Variants in SLC35D4 observed in about 807,000 individuals in gnomAD.
SLC35D4 encodes the protein solute carrier family 35 member D4, also known as UDP-N-acetylglucosamine transporter SLC35D4.
the SLC35D4 span, among the ~76,000 whole-genome samples, chr18:23,275,107 T>C: frequency 1.1e-4 from 16 of 151,242 alleles, no homozygotes; most frequent in Non-Finnish European, 2.4e-4. Flanking sequence ...TGTGTGTTTT[T>C]GTGTGTGCAT....
chr18:23,429,211 G>C, the SLC35D4 span, among the ~76,000 whole-genome samples: 1 of 152,208 alleles, frequency 6.6e-6, no homozygotes, highest in Non-Finnish European at 1.5e-5. Context: ...TATATACCCA[G>C]TAATGGGATT....
the SLC35D4 span, chr18:23,259,081 TTGC>T: frequency 3.3e-5 from 5 of 152,082 alleles, no homozygotes; most frequent in African/African-American, 1.2e-4. Flanking sequence ...CTTAGGGCAC[TTGC>T]TGTTTATAAA....
the SLC35D4 span, among the ~76,000 whole-genome samples, chr18:23,267,459 T>G: frequency 6.6e-6 from 1 of 151,784 alleles, no homozygotes; most frequent in Admixed American, 6.6e-5. Flanking sequence ...CTGCACTCCC[T>G]CCACCCCGGC....
chr18:23,432,948 C>A, the SLC35D4 span, among the ~76,000 whole-genome samples: 1 of 147,542 alleles, frequency 6.8e-6, no homozygotes, highest in South Asian at 2.2e-4. Flanking sequence ...CCACTGCACT[C>A]CAGCCTTGGC....
At chr18:23,405,561 G>A in the SLC35D4 span, among the ~76,000 whole-genome samples, 11 of 152,226 alleles carry the variant, frequency 7.2e-5, no homozygotes, top group Non-Finnish European at 1.6e-4. Flanking sequence ...TAAAACACTC[G>A]TTAACTCATT....
the SLC35D4 span, among the ~76,000 whole-genome samples, chr18:23,358,219 G>A: frequency 3.9e-5 from 6 of 152,276 alleles, no homozygotes; most frequent in Admixed American, 2.0e-4. Flanking sequence ...GAACTGCAGC[G>A]CAGCCAATGT....
chr18:23,268,267 C>T, the SLC35D4 span, among the ~76,000 whole-genome samples: 1 of 152,160 alleles, frequency 6.6e-6, no homozygotes, highest in Non-Finnish European at 1.5e-5. Context: ...TTCCTGTTTG[C>T]AGAAGATCTG....
the SLC35D4 span, among the ~76,000 whole-genome samples, chr18:23,248,512 CTTTTTTT>C: frequency 7.7e-4 from 70 of 90,726 alleles, no homozygotes; most frequent in African/African-American, 2.2e-3. Context: ...GACCCTATGT[CTTTTTTT>C]TTTTTTTTTT....
the SLC35D4 span, among the ~76,000 whole-genome samples, chr18:23,323,135 T>A: frequency 6.6e-6 from 1 of 152,230 alleles, no homozygotes; most frequent in Non-Finnish European, 1.5e-5. Context: ...ACAGATCTAA[T>A]CTCTGCAGAC....
chr18:23,345,938 T>G, the SLC35D4 span, among the ~76,000 whole-genome samples: 1 of 152,310 alleles, frequency 6.6e-6, no homozygotes, highest in East Asian at 1.9e-4. Flanking sequence ...ATTGTTTTCT[T>G]AATTTTATTT....
the SLC35D4 span, chr18:23,297,831 C>A: frequency 5.8e-6 from 4 of 692,790 alleles, no homozygotes; most frequent in South Asian, 5.4e-5. Flanking sequence ...TCGGCCTCAT[C>A]AGCCACCACC....
the SLC35D4 span, among the ~76,000 whole-genome samples, chr18:23,275,270 G>A: frequency 1.3e-5 from 2 of 152,256 alleles, no homozygotes; most frequent in African/African-American, 4.8e-5. Flanking sequence ...CAGACCTTGG[G>A]CGCCTCCAGA....
chr18:23,324,370 C>G, the SLC35D4 span, among the ~76,000 whole-genome samples: 1 of 152,198 alleles, frequency 6.6e-6, no homozygotes, highest in African/African-American at 2.4e-5. Context: ...GGGAATCGAG[C>G]TAAGACACCT....
chr18:23,386,761 T>TAAC, the SLC35D4 span, among the ~76,000 whole-genome samples: 1 of 150,206 alleles, frequency 6.7e-6, no homozygotes, highest in African/African-American at 2.4e-5. Context: ...ATAAAAAATG[T>TAAC]AACAGTGCAT....
At chr18:23,370,168 C>T in the SLC35D4 span, 1 of 1,533,974 alleles carries the variant, frequency 6.5e-7, no homozygotes, top group Non-Finnish European at 8.8e-7. Context: ...CATTGCACTC[C>T]AACAAGAGCT....
the SLC35D4 span, among the ~76,000 whole-genome samples, chr18:23,243,871 T>C: frequency 1.9e-5 from 2 of 106,812 alleles, no homozygotes; most frequent in Admixed American, 2.0e-4. Context: ...AGACTCCGTT[T>C]CAAAAAAAAA....
chr18:23,434,441 T>A, the SLC35D4 span, among the ~76,000 whole-genome samples: 1 of 152,180 alleles, frequency 6.6e-6, no homozygotes, highest in Admixed American at 6.6e-5. Context: ...TTTGGTTTAA[T>A]TTCATCTAAT....
chr18:23,368,931 A>C, the SLC35D4 span, among the ~76,000 whole-genome samples: 825 of 152,300 alleles, frequency 5.4e-3, 5 homozygotes, highest in Middle Eastern at 0.02. Context: ...TAAATCACAC[A>C]CATTTTCACC....
At chr18:23,317,603 C>T in the SLC35D4 span, among the ~76,000 whole-genome samples, 1 of 152,172 alleles carries the variant, frequency 6.6e-6, no homozygotes, top group Non-Finnish European at 1.5e-5. Flanking sequence ...TAAATGATTA[C>T]AGAGTGAATA....
Sources: gnomAD v4.1 joint callset for allele counts (sites outside exome capture counted in the v4.1 genomes callset) on GRCh38, gnomAD v4.1.1 for gene constraint, MANE v1.5 for transcripts, NCBI Gene and HGNC (gene_info 2026-07-23, HGNC 2026-07-21) for gene names.